Variants in TMEM120A observed in about 807,000 individuals in gnomAD.
The protein encoded by TMEM120A is transmembrane protein 120A.
In TMEM120A, 45 loss-of-function variants were observed where a neutral mutation model predicts 54.3. The observed-to-expected ratio is 0.83, with a 90% CI of 0.65 to 1.06. TMEM120A has a LOEUF of 1.06. Among genes scored for constraint, TMEM120A ranks in the 50% least tolerant of loss-of-function variants. The probability of loss-of-function intolerance (pLI) is 0.00; values close to 1 mark genes in which losing one functional copy is unlikely to be tolerated. For missense variants in TMEM120A, 424 were observed against 441.7 expected, an observed-to-expected ratio of 0.96 and a Z score of 0.36; for synonymous variants, 204 against 178.5, an observed-to-expected ratio of 1.14 and a Z score of -1.14.
chr7:75,989,134 AGGTTGG>A (rs1789731480), intron 4 of TMEM120A, 25 bp downstream of exon 4: 3 of 408,002 alleles, frequency 7.4e-6, no homozygotes, highest in African/African-American at 9.7e-5. Flanking sequence ...GGAGGGGTGG[AGGTTGG>A]GGGGTGGAGG....
At position 75,987,063 on chromosome 7, in the gene TMEM120A, G is replaced by T; in HGVS notation, c.*109C>A. The T allele has an allele frequency of 1.1e-6, 1 of 928,502 alleles. No homozygotes were observed. The highest frequency in any genetic ancestry group is 2.1e-4 in the Middle Eastern group (1 of 4,652). The allele number at this position is 928,502 out of a possible 1,614,324, so 57.5% of individuals were successfully genotyped here. A position where few individuals can be genotyped will look rare whatever the true frequency, so the allele number is the denominator to read the frequency against. On this transcript the variant is annotated 3_prime_UTR_variant, in exon 12 of 12. Coordinates refer to ENST00000493111, the MANE Select transcript of TMEM120A (RefSeq NM_031925.3). ...CCCACAGCGCCCATAAAACCCAAGG[G>T]AGAATAGAAGAGACCCCCTGATACA...
intron 1 of TMEM120A, among the ~76,000 whole-genome samples, chr7:75,993,837 C>T (rs1789937552): frequency 6.6e-6 from 1 of 152,200 alleles, no homozygotes; most frequent in African/African-American, 2.4e-5. Flanking sequence ...ACAGAACAGC[C>T]ACGGTGGCCC....
At position 75,988,495 on chromosome 7, in the gene TMEM120A, A is replaced by G; in HGVS notation, c.399T>C (p.Tyr133=). The G allele has an allele frequency of 6.2e-7, 1 of 1,605,858 alleles. No individual in the cohort carries two copies. The highest frequency in any genetic ancestry group is 1.7e-5 in the Admixed American group (1 of 59,434). The change falls in exon 5 of 12, where the codon TAT becomes TAC. Residue 133 remains tyrosine (Y), a synonymous_variant. Transcript: ENST00000493111. ...KQAKFAYKDE[Y]EKFKLYLTII... is the part of the protein sequence containing the mutation. The stretch of plus-strand genomic sequence containing the variant: ...TGGTGAGGTAGAGCTTGAACTTCTC[A>G]TACTCGTCCTTGTAGGCAAACCTGG...
intron 3 of TMEM120A, among the ~76,000 whole-genome samples, chr7:75,990,711 C>T (rs1292787485): frequency 6.6e-6 from 1 of 151,726 alleles, no homozygotes; most frequent in Non-Finnish European, 1.5e-5. Flanking sequence ...TGGTGAAACC[C>T]CATCTCTACT....
intron 3 of TMEM120A, among the ~76,000 whole-genome samples, chr7:75,989,780 G>T (rs956409796): frequency 6.6e-6 from 1 of 151,788 alleles, no homozygotes; most frequent in African/African-American, 2.4e-5. Context: ...CCCTCACCGA[G>T]GCCCCCACGC....
At chr7:75,987,479 C>T in intron 10 of TMEM120A, 51 bp from the exon 11 acceptor site, 1 of 1,548,938 alleles carries the variant, frequency 6.5e-7, no homozygotes, top group Non-Finnish European at 8.7e-7. Context: ...CTGCTGGAGC[C>T]CGAAACCGGC....
intron 1 of TMEM120A, among the ~76,000 whole-genome samples, chr7:75,993,242 C>G (rs555799801): frequency 5.6e-4 from 86 of 152,332 alleles, no homozygotes; most frequent in African/African-American, 1.9e-3. Context: ...CCCCTCTATC[C>G]TCTCAGCTCC....
chr7:75,994,419 C>A, intron 1 of TMEM120A, 71 bp downstream of exon 1: 2 of 1,411,624 alleles, frequency 1.4e-6, no homozygotes, highest in Non-Finnish European at 2.0e-6. Flanking sequence ...TGACCCAGGG[C>A]TGCCCGACCC....
chr7:75,989,400 TGCCC>T (rs1789746559), intron 3 of TMEM120A, among the ~76,000 whole-genome samples, 176 bp from the exon 4 acceptor site: 1 of 151,098 alleles, frequency 6.6e-6, no homozygotes, highest in Non-Finnish European at 1.5e-5. Context: ...CTCCCTGCCA[TGCCC>T]AGCCTTCCTG....
At position 75,988,533 on chromosome 7, in the gene TMEM120A, G is replaced by A. The variant is rs145064688; in HGVS notation, c.378-17C>T. 1.6e-3 allele frequency: 2,570 copies of A among 1,582,178 alleles called. 30 individuals carry two copies. In the African/African-American group the frequency reaches 0.027, roughly 16 times the overall value. On this transcript the variant is annotated splice_polypyrimidine_tract_variant and intron_variant, in intron 4 of 11. Transcript: ENST00000493111. ...TAGGCAAACCTGGGGGGCGCAGGCCGGTGAGACGGGTGGGGTGCTGGTGGG... is the reference window on the plus strand; with the variant it reads ...TAGGCAAACCTGGGGGGCGCAGGCCAGTGAGACGGGTGGGGTGCTGGTGGG...
In TMEM120A at chr7:75,994,545, A is replaced by C; in HGVS notation, c.26T>G (p.Leu9Arg). 1 of 1,558,778 alleles carries C rather than the reference A, an allele frequency of 6.4e-7. No individual in the cohort carries two copies. Among genetic ancestry groups the C allele is most frequent in the Non-Finnish European group, 8.7e-7 (1 of 1,153,036 alleles). ...CTCCCAGTCCCGCAGGCAGTCGCCC[A>C]GCGGGCCCGGGGGCGGGGGCTGCAT... MQPPPPGP[L>R]GDCLRDWEDL... Residue 9 changes from leucine (L) to arginine (R), a missense_variant, in exon 1 of 12, where the codon CTG becomes CGG. Physicochemically the swap from Leu to Arg is moderately radical, Grantham distance 102 (BLOSUM62 -2). Transcript: ENST00000493111.
At chr7:75,992,418 G>A (rs1450404742) in intron 2 of TMEM120A, 21 bp downstream of exon 2, 1 of 1,582,058 alleles carries the variant, frequency 6.3e-7, no homozygotes, top group South Asian at 1.1e-5. Flanking sequence ...GCCCATGGCG[G>A]GTGGGGTAGG....
chr7:75,989,230 G>A lies in TMEM120A; in HGVS notation c.318-6C>T, dbSNP rs1040415651. The stretch of plus-strand genomic sequence containing the variant: ...GAACCAGGCTCAGGTACAATCTAGG[G>A]AAGGGGGTGGCGGGGTGAGGAGAAG... On this transcript the variant is annotated splice_region_variant and splice_polypyrimidine_tract_variant and intron_variant, in intron 3 of 11. Coordinates refer to ENST00000493111, the MANE Select transcript of TMEM120A (RefSeq NM_031925.3). 1 of 1,558,262 alleles carries A rather than the reference G, an allele frequency of 6.4e-7. No homozygotes were observed. The highest frequency in any genetic ancestry group is 8.7e-7 in the Non-Finnish European group (1 of 1,150,224).
chr7:75,989,035 T>TC (rs1563441972), intron 4 of TMEM120A, 130 bp downstream of exon 4: 28,791 of 106,272 alleles, frequency 0.27, 9,458 homozygotes, highest in Non-Finnish European at 0.4. Flanking sequence ...AAGGCCGGGT[T>TC]GGGGGGTGGA....
At chr7:75,988,371 C>G (rs1554560723) in intron 5 of TMEM120A, 30 bp from the exon 6 acceptor site, 6 of 1,583,586 alleles carry the variant, frequency 3.8e-6, no homozygotes, top group Non-Finnish European at 5.2e-6. Context: ...AGGGTTGGTA[C>G]TGCAGCGACT....
At chr7:75,993,818 G>A (rs961394229) in intron 1 of TMEM120A, among the ~76,000 whole-genome samples, 1 of 152,224 alleles carries the variant, frequency 6.6e-6, no homozygotes, top group Non-Finnish European at 1.5e-5. Flanking sequence ...CCTCCTCCCT[G>A]GCCTCTGGAC....
In TMEM120A at chr7:75,987,369, C is replaced by T. The variant is rs1554560053; in HGVS notation, c.909G>A (p.Lys303=). ...AGGGACCCCGGCTCACCTGCCACTCCTTGCACTGAGGGTCCTGGGCCAGGT... is the reference window on the plus strand; with the variant it reads ...AGGGACCCCGGCTCACCTGCCACTCTTTGCACTGAGGGTCCTGGGCCAGGT... ...LFNLAQDPQC[K]EWQVLMCGFP... The change falls in exon 11 of 12, where the codon AAG becomes AAA. Residue 303 remains lysine, a synonymous_variant. Transcript: ENST00000493111. 6.4e-7 allele frequency: 1 copy of T among 1,565,946 alleles called. No homozygotes were observed. The highest frequency in any genetic ancestry group is 8.6e-7 in the Non-Finnish European group (1 of 1,156,256).
intron 1 of TMEM120A, among the ~76,000 whole-genome samples, chr7:75,994,098 C>T (rs1486536169): frequency 6.6e-6 from 1 of 152,160 alleles, no homozygotes; most frequent in Non-Finnish European, 1.5e-5. Context: ...AGGACACCCC[C>T]CTAAACGCTG....
At chr7:75,993,253 TCCTG>T (rs1234765464) in intron 1 of TMEM120A, among the ~76,000 whole-genome samples, 2 of 152,194 alleles carry the variant, frequency 1.3e-5, no homozygotes, top group Non-Finnish European at 2.9e-5. Context: ...TCTCAGCTCC[TCCTG>T]CCTATCTAGC....
Sources: allele counts gnomAD v4.1 joint callset (sites outside exome capture counted in the v4.1 genomes callset), GRCh38; gene constraint gnomAD v4.1.1; transcripts MANE v1.5; gene names NCBI Gene and HGNC (gene_info 2026-07-23, HGNC 2026-07-21).